PSMG2: variants seen among roughly 807,000 people sequenced by gnomAD.
PSMG2 encodes CD40 ligand-activated specific transcript 3.
A neutral mutation model predicts 31.5 loss-of-function variants in PSMG2; 21 were observed. The observed-to-expected ratio is 0.67, with a 90% CI of 0.47 to 0.96. The LOEUF (loss-of-function observed/expected upper bound fraction) is 0.96. Ranked by LOEUF, PSMG2 falls within the 40% of genes least tolerant of loss-of-function variation. The pLI is 0.00. For synonymous variants in PSMG2, 120 were observed against 110.4 expected (o/e 1.09, Z -0.54); for missense variants, 318 against 321.2 (o/e 0.99, Z 0.08).
rs559389107 is a variant in PSMG2, at chr18:12,668,002, C to T, written c.-37+9229C>T. Among the ~76,000 whole-genome samples the T allele has an allele frequency of 5.3e-5, 8 of 151,214 alleles. No individual in the cohort carries two copies. In the East Asian group the frequency reaches 1.6e-3, roughly 30 times the overall value. On this transcript the variant is annotated intron_variant, in intron 1 of 6. Coordinates refer to the PSMG2 transcript ENST00000585331. ...GAATGGGGCTGGGTGCAGTGGCTCA[C>T]GCCTGTAATCCCAGCACTTTGGGAG...
At chr18:12,683,801 T>C (rs2039438338) in intron 1 of PSMG2, among the ~76,000 whole-genome samples, 1 of 150,660 alleles carries the variant, frequency 6.6e-6, no homozygotes, top group South Asian at 2.1e-4. Flanking sequence ...CATAGAAAAA[T>C]GTTCATAGCA....
upstream of PSMG2, among the ~76,000 whole-genome samples, chr18:12,700,540 T>C (rs1325603569): frequency 6.6e-6 from 1 of 152,188 alleles, no homozygotes; most frequent in African/African-American, 2.4e-5. Flanking sequence ...GTCAATTATT[T>C]TCTTAAAGAA....
At chr18:12,719,382 T>C (rs577598205) in intron 4 of PSMG2, among the ~76,000 whole-genome samples, 70 of 152,284 alleles carry the variant, frequency 4.6e-4, no homozygotes, top group Non-Finnish European at 8.1e-4. Flanking sequence ...TACTCTAAGA[T>C]GTAGCTTTTA....
upstream of PSMG2, chr18:12,700,034 T>A (rs1398707189): frequency 8.5e-6 from 4 of 471,962 alleles, no homozygotes; most frequent in Non-Finnish European, 1.1e-5. Context: ...AACCCCTTAT[T>A]TTCCTAGCCT....
chr18:12,706,830 C>A (rs148401125), intron 2 of PSMG2, 109 bp downstream of exon 2: 2 of 1,165,680 alleles, frequency 1.7e-6, no homozygotes, highest in Non-Finnish European at 2.4e-6. Context: ...TTAGTGCCAA[C>A]TTTGTGTAGA....
intron 5 of PSMG2, among the ~76,000 whole-genome samples, chr18:12,723,860 C>T (rs2040452018): frequency 6.6e-6 from 1 of 152,168 alleles, no homozygotes; most frequent in Non-Finnish European, 1.5e-5. Context: ...ATGAGGAACA[C>T]CCCTGGTTAA....
chr18:12,695,895 G>T (rs1177849688), intron 1 of PSMG2, among the ~76,000 whole-genome samples: 1 of 146,232 alleles, frequency 6.8e-6, no homozygotes, highest in African/African-American at 2.6e-5. Context: ...CTAAAAATTA[G>T]AAAGCATTTA....
chr18:12,698,867 G>C, upstream of PSMG2: 1 of 738,200 alleles, frequency 1.4e-6, no homozygotes, highest in African/African-American at 1.8e-5. Context: ...AAACAAAATA[G>C]AGATTCCTCC....
chr18:12,678,073 G>T (rs758422946), intron 1 of PSMG2: 1 of 1,516,500 alleles, frequency 6.6e-7, no homozygotes. Context: ...TAAATGAAAA[G>T]AAGTATGAAA....
At chr18:12,711,750 CTT>C (rs34631690) in intron 2 of PSMG2, among the ~76,000 whole-genome samples, 19 of 97,574 alleles carry the variant, frequency 1.9e-4, no homozygotes, top group African/African-American at 3.2e-4. Context: ...GCTTCTCATT[CTT>C]TTTTTTTTTT....
chr18:12,702,701 AGGCC>A, upstream of PSMG2: 2 of 827,904 alleles, frequency 2.4e-6, no homozygotes, highest in South Asian at 3.8e-5. Context: ...ACGCCGCGTC[AGGCC>A]GGGGGCTGAC....
intron 1 of PSMG2, among the ~76,000 whole-genome samples, chr18:12,666,202 C>A (rs987278366): frequency 4.6e-5 from 7 of 151,620 alleles, no homozygotes; most frequent in African/African-American, 1.7e-4. Flanking sequence ...GTGGCATACA[C>A]CTATATTCCC....
intron 1 of PSMG2, among the ~76,000 whole-genome samples, chr18:12,668,597 C>CAAAAAAAAAAAAAAAAA (rs752216074): frequency 4.0e-4 from 29 of 72,824 alleles, no homozygotes; most frequent in Non-Finnish European, 5.6e-4. Context: ...GATTCCATCT[C>CAAAAAAAAAAAAAAAAA]AAAAAAAAAA....
chr18:12,669,371 CA>C, intron 1 of PSMG2, among the ~76,000 whole-genome samples: 1 of 152,096 alleles, frequency 6.6e-6, no homozygotes, highest in East Asian at 1.9e-4. Flanking sequence ...CTTGGCCTTC[CA>C]AAGTGCTGGG....
intron 1 of PSMG2, among the ~76,000 whole-genome samples, chr18:12,689,853 G>C (rs547896746): frequency 6.6e-6 from 1 of 152,290 alleles, no homozygotes; most frequent in Non-Finnish European, 1.5e-5. Context: ...GCAATGGCGT[G>C]ATCTTCGCTC....
chr18:12,673,473 G>A, intron 1 of PSMG2: 4 of 1,583,796 alleles, frequency 2.5e-6, no homozygotes, highest in African/African-American at 1.4e-5. Context: ...GGTCTCCACG[G>A]CAACAGATTA....
intron 1 of PSMG2, among the ~76,000 whole-genome samples, chr18:12,689,149 T>A (rs2039655211): frequency 6.6e-6 from 1 of 152,162 alleles, no homozygotes; most frequent in African/African-American, 2.4e-5. Context: ...TTACTTTCAG[T>A]GCTGGATACA....
chr18:12,721,963 T>A (rs1274851709), intron 5 of PSMG2, among the ~76,000 whole-genome samples: 1 of 152,238 alleles, frequency 6.6e-6, no homozygotes, highest in East Asian at 1.9e-4. Flanking sequence ...TCATTTCCCT[T>A]GTGTTTTTGT....
chr18:12,706,360 G>A (rs762820245), intron 1 of PSMG2, among the ~76,000 whole-genome samples, 190 bp from the exon 2 acceptor site: 3 of 152,132 alleles, frequency 2.0e-5, no homozygotes, highest in Admixed American at 6.5e-5. Context: ...GGTGGTGCGC[G>A]CCTATAATCT....
Sources: allele counts gnomAD v4.1 joint callset (sites outside exome capture counted in the v4.1 genomes callset), GRCh38; gene constraint gnomAD v4.1.1; transcripts MANE v1.5; gene names NCBI Gene and HGNC (gene_info 2026-07-23, HGNC 2026-07-21).